Variants in LIN9 observed in about 807,000 individuals in gnomAD.
LIN9 encodes lin-9 DREAM MuvB core complex component.
LIN9 carries 18 observed loss-of-function variants against 78.0 expected under a neutral mutation model. That is an observed-to-expected ratio of 0.23 (90% CI 0.16 to 0.34). The LOEUF (loss-of-function observed/expected upper bound fraction) is 0.34. Ranked by LOEUF, LIN9 falls within the 10% of genes least tolerant of loss-of-function variation. LIN9 has a pLI of 1.00. For synonymous variants in LIN9, 192 were observed against 215.2 expected (o/e 0.89, Z 0.94); for missense variants, 451 against 644.1 (o/e 0.70, Z 3.25).
intron 6 of LIN9, among the ~76,000 whole-genome samples, chr1:226,279,485 G>A (rs1660900012): frequency 1.3e-5 from 2 of 150,354 alleles, no homozygotes; most frequent in South Asian, 4.2e-4. Flanking sequence ...AAAAAGAGCT[G>A]GGCAAAGTGG....
At chr1:226,252,668 G>T (rs776177064) in intron 10 of LIN9, among the ~76,000 whole-genome samples, 20 of 152,004 alleles carry the variant, frequency 1.3e-4, no homozygotes, top group Non-Finnish European at 2.4e-4. Flanking sequence ...TTGTAGTTAC[G>T]TTGCTTAAAA....
Position 226,283,278 on chromosome 1 carries a change from ATTTTT to A in LIN9, c.524+3050_524+3054del, listed in dbSNP as rs71574569. Among the ~76,000 whole-genome samples the A allele has an allele frequency of 1.1e-4, 9 of 84,212 alleles. 1 individual carries two copies. Among genetic ancestry groups the A allele is most frequent in the Admixed American group, 3.1e-4 (2 of 6,420 alleles). The allele number at this position is 84,212 out of a possible 152,430, so 55.2% of individuals were successfully genotyped here. On this transcript the variant is annotated intron_variant, in intron 6 of 14. Coordinates refer to ENST00000681046, the MANE Select transcript of LIN9 (RefSeq NM_001366245.2). ...AGTAGCATGCCTGGGTAATTTTTGA[ATTTTT>A]TTTTTTTTTTTTTTTTTTTTTTGGT...
At chr1:226,234,047 T>G (rs940902201) in intron 12 of LIN9, among the ~76,000 whole-genome samples, 1 of 152,224 alleles carries the variant, frequency 6.6e-6, no homozygotes, top group Non-Finnish European at 1.5e-5. Context: ...GGTGCTGAGT[T>G]CTCTGGCATC....
chr1:226,286,269 A>AT, intron 6 of LIN9, 64 bp downstream of exon 6: 20 of 1,534,464 alleles, frequency 1.3e-5, no homozygotes, highest in Non-Finnish European at 1.8e-5. Flanking sequence ...AACTGGGATT[A>AT]TAAGTACATG....
chr1:226,248,628 C>A (rs1021998534), intron 11 of LIN9, among the ~76,000 whole-genome samples: 3 of 151,956 alleles, frequency 2.0e-5, no homozygotes, highest in Admixed American at 6.6e-5. Context: ...AATTATGGTA[C>A]AATACAATCA....
chr1:226,266,408 C>G, intron 8 of LIN9, 76 bp from the exon 9 acceptor site: 1 of 1,254,318 alleles, frequency 8.0e-7, no homozygotes, highest in South Asian at 1.6e-5. Flanking sequence ...TGTATTTCAG[C>G]TTGAGATATA....
intron 2 of LIN9, among the ~76,000 whole-genome samples, chr1:226,298,075 T>C (rs964606772): frequency 2.0e-5 from 3 of 152,256 alleles, no homozygotes; most frequent in African/African-American, 4.8e-5. Context: ...TTCTTTGTTT[T>C]TGGATTTTTA....
At chr1:226,309,337 C>G, upstream of LIN9, 1 of 994,210 alleles carries the variant, frequency 1.0e-6, no homozygotes, top group Non-Finnish European at 1.2e-6. Context: ...GAAGGGGGGC[C>G]GCGCCTCGCC....
At chr1:226,234,741 C>T (rs1197572505) in intron 12 of LIN9, among the ~76,000 whole-genome samples, 5 of 152,072 alleles carry the variant, frequency 3.3e-5, no homozygotes, top group Non-Finnish European at 7.4e-5. Context: ...GACATATACA[C>T]TCACTTATAC....
chr1:226,262,716 C>G (rs1229988097), intron 10 of LIN9, among the ~76,000 whole-genome samples: 1 of 152,188 alleles, frequency 6.6e-6, no homozygotes, highest in Non-Finnish European at 1.5e-5. Context: ...CACTTTAGAA[C>G]ACAGCTTGTC....
chr1:226,249,803 C>T (rs1658714382), intron 11 of LIN9, among the ~76,000 whole-genome samples: 2 of 152,146 alleles, frequency 1.3e-5, no homozygotes, highest in Admixed American at 1.3e-4. Flanking sequence ...CCTACATATC[C>T]TTAAGCAAGA....
At chr1:226,239,371 G>A (rs1215554401) in intron 11 of LIN9, among the ~76,000 whole-genome samples, 1 of 152,182 alleles carries the variant, frequency 6.6e-6, no homozygotes, top group Non-Finnish European at 1.5e-5. Flanking sequence ...ATTGATAAAT[G>A]TGTAAGCAAT....
chr1:226,293,252 T>C (rs1267960376), intron 4 of LIN9, among the ~76,000 whole-genome samples: 1 of 152,246 alleles, frequency 6.6e-6, no homozygotes, highest in African/African-American at 2.4e-5. Context: ...ATGTTTATCC[T>C]ACATTATATT....
chr1:226,309,472 C>T (rs1663164477), upstream of LIN9: 1 of 1,103,082 alleles, frequency 9.1e-7, no homozygotes, highest in Non-Finnish European at 1.1e-6. Flanking sequence ...GGCCCCGCTC[C>T]CGGCGCATGT....
intron 10 of LIN9, among the ~76,000 whole-genome samples, chr1:226,253,703 G>T (rs964585261): frequency 6.6e-6 from 1 of 151,658 alleles, no homozygotes; most frequent in Admixed American, 6.6e-5. Flanking sequence ...ATCACCTGAG[G>T]TCAGGAGTTT....
intron 10 of LIN9, among the ~76,000 whole-genome samples, chr1:226,256,734 A>AT (rs1265292154): frequency 1.2e-4 from 18 of 150,652 alleles, no homozygotes; most frequent in African/African-American, 4.4e-4. Flanking sequence ...AATTTTTTGT[A>AT]TTTTTAGTAG....
chr1:226,231,890 A>G lies in LIN9; in HGVS notation c.*611T>C, dbSNP rs1657359166. Reference sequence around the variant, plus strand: ...TCTTTTATATGTTATGATAAATTAAAATATTTATTATTATAAAATGATCTA... The same window carrying G: ...TCTTTTATATGTTATGATAAATTAAGATATTTATTATTATAAAATGATCTA... On this transcript the variant is annotated 3_prime_UTR_variant, in exon 15 of 15. Transcript: ENST00000681046. 1.5e-5 allele frequency: 5 copies of G among 329,222 alleles called. No homozygotes were observed. Among genetic ancestry groups the G allele is most frequent in the Non-Finnish European group, 2.7e-5 (5 of 185,302 alleles). The allele number at this position is 329,222 out of a possible 1,614,324, so 20.4% of individuals were successfully genotyped here.
intron 3 of LIN9, 141 bp from the exon 4 acceptor site, chr1:226,296,087 C>A: frequency 1.8e-6 from 1 of 569,028 alleles, no homozygotes; most frequent in Non-Finnish European, 3.1e-6. Context: ...ACACAAAGCA[C>A]ACAAAGCCAA....
In LIN9 at chr1:226,284,196, G is replaced by T. The variant is rs1385781688; in HGVS notation, c.524+2137C>A. Among the ~76,000 whole-genome samples, 4 of 152,032 alleles carry T rather than the reference G, an allele frequency of 2.6e-5. No homozygotes were observed. In the Middle Eastern group the frequency reaches 0.014, roughly 517 times the overall value. ...ACCATGTACTTGAGAGTCAACCATT[G>T]CAACTATTATACTAAACTCCCAGAG... On this transcript the variant is annotated intron_variant, in intron 6 of 14. Transcript: ENST00000681046.
Sources: allele counts gnomAD v4.1 joint callset (sites outside exome capture counted in the v4.1 genomes callset), GRCh38; gene constraint gnomAD v4.1.1; transcripts MANE v1.5; gene names NCBI Gene and HGNC (gene_info 2026-07-23, HGNC 2026-07-21).